Variants in TRIO observed in about 807,000 individuals in gnomAD.
TRIO encodes triple functional domain protein.
In TRIO, 58 loss-of-function variants were observed where a neutral mutation model predicts 351.9. The ratio of observed to expected loss-of-function variants is 0.16; its 90% CI spans 0.13 to 0.21. The LOEUF is 0.21. TRIO is among the 10% of genes least tolerant of loss of function. The pLI is 1.00. For synonymous variants in TRIO, 1,758 were observed against 1,595.7 expected, an observed-to-expected ratio of 1.10 and a Z score of -2.42; for missense variants, 3,201 against 4,027.8, an observed-to-expected ratio of 0.79 and a Z score of 5.56.
intron 48 of TRIO, among the ~76,000 whole-genome samples, chr5:14,491,322 C>T (rs570968143): frequency 1.4e-4 from 21 of 152,340 alleles, no homozygotes; most frequent in African/African-American, 3.4e-4. Context: ...TCTGCACTGA[C>T]CCAGGATCTG....
intron 11 of TRIO, among the ~76,000 whole-genome samples, chr5:14,354,129 G>A (rs915229507): frequency 6.6e-5 from 10 of 152,198 alleles, no homozygotes; most frequent in African/African-American, 2.4e-4. Context: ...AGAGGGCCCA[G>A]CGGTGCTGGG....
At chr5:14,255,161 G>A (rs1794960452) in intron 1 of TRIO, among the ~76,000 whole-genome samples, 1 of 152,202 alleles carries the variant, frequency 6.6e-6, no homozygotes, top group Non-Finnish European at 1.5e-5. Flanking sequence ...ACATAGACTG[G>A]TCTGACGGAC....
At chr5:14,218,591 G>T (rs1039768086) in intron 1 of TRIO, among the ~76,000 whole-genome samples, 1 of 152,220 alleles carries the variant, frequency 6.6e-6, no homozygotes, top group Non-Finnish European at 1.5e-5. Context: ...AAGTCTTAAG[G>T]AGCAGGTGGG....
intron 2 of TRIO, among the ~76,000 whole-genome samples, chr5:14,274,119 C>T (rs1193969879): frequency 6.6e-6 from 1 of 152,116 alleles, no homozygotes; most frequent in East Asian, 1.9e-4. Flanking sequence ...TTTCATATCC[C>T]CCCAAAAAAC....
Position 14,488,279 on chromosome 5 carries a change from C to T in TRIO, c.7632+19C>T, listed in dbSNP as rs1338177626. 6.5e-6 allele frequency: 10 copies of T among 1,531,796 alleles called. No individual in the cohort carries two copies. The East Asian group carries it at 2.2e-4, about 34-fold the overall frequency. The allele number at this position is 1,531,796 out of a possible 1,614,324, so 94.9% of individuals were successfully genotyped here. A position where few individuals can be genotyped will look rare whatever the true frequency, so the allele number is the denominator to read the frequency against. On this transcript the variant is annotated intron_variant, in intron 48 of 56. Coordinates refer to ENST00000344204, the MANE Select transcript of TRIO (RefSeq NM_007118.4). The stretch of plus-strand genomic sequence containing the variant: ...CAACGGGGTAAGCGCGTCGGGGGGC[C>T]CGCGCCCTCCCGCCCCCCTGCCTCT...
At chr5:14,376,708 A>G (rs897494556) in intron 19 of TRIO, among the ~76,000 whole-genome samples, 9 of 152,200 alleles carry the variant, frequency 5.9e-5, no homozygotes, top group African/African-American at 1.4e-4. Context: ...CAGTGTTCCA[A>G]CATCTTTGTA....
Position 14,387,785 on chromosome 5 carries a change from G to A in TRIO, c.3819G>A (p.Val1273=). The A allele has an allele frequency of 6.2e-7, 1 of 1,614,226 alleles. No homozygotes were observed. Among genetic ancestry groups the A allele is most frequent in the Non-Finnish European group, 8.5e-7 (1 of 1,180,040 alleles). Residue 1273 remains valine, a synonymous_variant, in exon 23 of 57, where the codon GTG becomes GTA. Coordinates refer to ENST00000344204, the MANE Select transcript of TRIO (RefSeq NM_007118.4). Reference sequence around the variant, plus strand: ...CAGCCAGTATCCCTGGCTCAGAGGTGAAACTTCGAGATGCTGCTCATGAAC... The same window carrying A: ...CAGCCAGTATCCCTGGCTCAGAGGTAAAACTTCGAGATGCTGCTCATGAAC... The part of the protein sequence containing the change: ...IIPASIPGSE[V]KLRDAAHELN...
chr5:14,167,342 T>C (rs950479849), intron 1 of TRIO, among the ~76,000 whole-genome samples: 1 of 151,956 alleles, frequency 6.6e-6, no homozygotes, highest in African/African-American at 2.4e-5. Context: ...GTCTCCCCAT[T>C]TCCATACTTC....
Position 14,320,285 on chromosome 5 carries a change from C to T in TRIO, c.1731+3542C>T, listed in dbSNP as rs1392975789. ...AGGAAGGTAACTCATTTTTGCTTTACCTGTTCAGATGGGTAGTAGTAGTCC... is the reference window on the plus strand; with the variant it reads ...AGGAAGGTAACTCATTTTTGCTTTATCTGTTCAGATGGGTAGTAGTAGTCC... On this transcript the variant is annotated intron_variant, in intron 9 of 56. Coordinates refer to ENST00000344204, the MANE Select transcript of TRIO (RefSeq NM_007118.4). Among the ~76,000 whole-genome samples the T allele has an allele frequency of 4.6e-5, 7 of 152,050 alleles. 1 individual carries two copies. In the South Asian group the frequency reaches 1.5e-3, roughly 32 times the overall value.
chr5:14,509,437 T>A lies in TRIO; in HGVS notation c.*1015T>A. 2.1e-6 allele frequency: 1 copy of A among 469,598 alleles called. No homozygotes were observed. Among genetic ancestry groups the A allele is most frequent in the Non-Finnish European group, 4.3e-6 (1 of 233,616 alleles). 29.1% of individuals were successfully genotyped at this position (469,598 alleles called of 1,614,324 possible). A position where few individuals can be genotyped will look rare whatever the true frequency, so the allele number is the denominator to read the frequency against. The stretch of plus-strand genomic sequence containing the variant: ...AGGGTCGTAGCCCTGTGCCATCGGT[T>A]CAAAGAGACTTTTCGTGAAATTTGT... On this transcript the variant is annotated 3_prime_UTR_variant, in exon 57 of 57. Transcript: ENST00000344204.
At position 14,436,978 on chromosome 5, in the gene TRIO, A is replaced by G. The variant is rs1388088939; in HGVS notation, c.5203+16957A>G. Among the ~76,000 whole-genome samples the G allele has an allele frequency of 2.6e-5, 4 of 152,138 alleles. No homozygotes were observed. In the South Asian group the frequency reaches 8.3e-4, roughly 32 times the overall value. ...TGGAGGGTGGTGGCCCTCTTCTCACAGCTCCACTAGGCTCCTGTATGTGTG... is the reference window on the plus strand; with the variant it reads ...TGGAGGGTGGTGGCCCTCTTCTCACGGCTCCACTAGGCTCCTGTATGTGTG... On this transcript the variant is annotated intron_variant, in intron 34 of 56. Transcript: ENST00000344204.
At chr5:14,407,471 C>T (rs1352696938) in intron 33 of TRIO, among the ~76,000 whole-genome samples, 1 of 152,196 alleles carries the variant, frequency 6.6e-6, no homozygotes, top group Non-Finnish European at 1.5e-5. Flanking sequence ...TGAGAAAGTC[C>T]AGCTTCTCTG....
chr5:14,289,368 A>G (rs1480100564), intron 4 of TRIO, among the ~76,000 whole-genome samples: 1 of 151,926 alleles, frequency 6.6e-6, no homozygotes, highest in East Asian at 1.9e-4. Context: ...ATGGGCAACA[A>G]GAGCAAAACC....
chr5:14,313,952 G>T (rs1282507645), intron 8 of TRIO, among the ~76,000 whole-genome samples: 1 of 151,062 alleles, frequency 6.6e-6, no homozygotes, highest in African/African-American at 2.5e-5. Context: ...TAGGGGTTTG[G>T]CTATCAAGGA....
rs374767686 is a variant in TRIO, at chr5:14,364,702, C to T, written c.2640C>T (p.Asp880=). 20 of 1,613,620 alleles carry T rather than the reference C, an allele frequency of 1.2e-5. No homozygotes were observed. The African/African-American group carries it at 2.4e-4, about 19-fold the overall frequency. Residue 880 remains aspartate (D), a synonymous_variant, in exon 15 of 57, where the codon GAC becomes GAT. Coordinates refer to ENST00000344204, the MANE Select transcript of TRIO (RefSeq NM_007118.4). ...RDVDMATRVQ[D]LLEFLHEKQQ... is the part of the protein sequence containing the mutation. ...TAGACATGGCAACTCGGGTCCAGGACCTGCTGGAGTTTCTTCATGAAAAAC... is the reference window on the plus strand; with the variant it reads ...TAGACATGGCAACTCGGGTCCAGGATCTGCTGGAGTTTCTTCATGAAAAAC...
intron 1 of TRIO, among the ~76,000 whole-genome samples, chr5:14,221,566 G>T (rs32391): frequency 0.81 from 123,452 of 152,104 alleles, 50,629 homozygotes; most frequent in East Asian, 0.99. Context: ...TCTGAAGAAG[G>T]TGATTCCAGT....
intron 34 of TRIO, among the ~76,000 whole-genome samples, chr5:14,453,443 C>G (rs1254901257): frequency 6.6e-6 from 1 of 152,172 alleles, no homozygotes; most frequent in Non-Finnish European, 1.5e-5. Context: ...GTGATGAAAC[C>G]TAATTCTCAT....
chr5:14,270,591 C>T (rs370278004), intron 1 of TRIO, among the ~76,000 whole-genome samples: 6 of 152,126 alleles, frequency 3.9e-5, no homozygotes, highest in East Asian at 1.9e-4. Context: ...TGACTCAGAG[C>T]GAGCCTTTTG....
Position 14,358,231 on chromosome 5 carries a change from C to A in TRIO, c.2100C>A (p.Ala700=). 6.2e-7 allele frequency: 1 copy of A among 1,614,076 alleles called. No homozygotes were observed. The highest frequency in any genetic ancestry group is 8.5e-7 in the Non-Finnish European group (1 of 1,179,978). The change falls in exon 12 of 57, where the codon GCC becomes GCA. Residue 700 remains alanine, a synonymous_variant. Transcript: ENST00000344204. ...AGGAGCTGCTGGACGACGTGTATGC[C>A]GAGTCGGTGGAGGCCGTGCAGGACC... is the stretch of plus-strand genomic sequence containing the variant. ...LQKELLDDVY[A]ESVEAVQDLI...
Sources: allele counts gnomAD v4.1 joint callset (sites outside exome capture counted in the v4.1 genomes callset), GRCh38; gene constraint gnomAD v4.1.1; transcripts MANE v1.5; gene names NCBI Gene and HGNC (gene_info 2026-07-23, HGNC 2026-07-21).